The following PPP2R2B variants were observed in gnomAD, a reference collection of about 807,000 sequenced individuals.
The protein encoded by PPP2R2B is serine/threonine-protein phosphatase 2A 55 kDa regulatory subunit B beta isoform.
In PPP2R2B, 5 loss-of-function variants were observed where a neutral mutation model predicts 46.0. The observed-to-expected ratio is 0.11, with a 90% CI of 0.06 to 0.23. The LOEUF (loss-of-function observed/expected upper bound fraction) is 0.23, where lower values mean the gene tolerates loss of function less well. PPP2R2B is among the 10% of genes least tolerant of loss of function. The probability of loss-of-function intolerance (pLI) is 1.00; values close to 1 mark genes in which losing one functional copy is unlikely to be tolerated. For missense variants in PPP2R2B, 367 were observed against 575.0 expected (o/e 0.64, Z 3.70); for synonymous variants, 215 against 206.7 (o/e 1.04, Z -0.34).
chr5:146,791,168 G>T (rs1756176211), intron 2 of PPP2R2B, among the ~76,000 whole-genome samples: 1 of 152,104 alleles, frequency 6.6e-6, no homozygotes, highest in African/African-American at 2.4e-5. Flanking sequence ...GAGTAGAATG[G>T]TGCGGGTCTT....
chr5:146,713,220 G>A (rs978889195), intron 2 of PPP2R2B, among the ~76,000 whole-genome samples: 2 of 152,104 alleles, frequency 1.3e-5, no homozygotes, highest in African/African-American at 2.4e-5. Flanking sequence ...CCAAAGAGAT[G>A]AAACTGACAA....
intron 1 of PPP2R2B, among the ~76,000 whole-genome samples, chr5:146,982,889 C>A (rs1753239133): frequency 6.6e-6 from 1 of 151,766 alleles, no homozygotes; most frequent in Non-Finnish European, 1.5e-5. Flanking sequence ...TATCTTTTTC[C>A]ATCCTTTTAC....
intron 1 of PPP2R2B, among the ~76,000 whole-genome samples, chr5:146,907,538 T>C (rs1763040881): frequency 6.6e-6 from 1 of 152,224 alleles, no homozygotes; most frequent in Admixed American, 6.5e-5. Context: ...CATCACCAAG[T>C]TGGAGAAAGG....
chr5:147,008,047 T>C (rs528304291), intron 1 of PPP2R2B, among the ~76,000 whole-genome samples: 1 of 152,216 alleles, frequency 6.6e-6, no homozygotes, highest in Non-Finnish European at 1.5e-5. Flanking sequence ...GATCGATTCT[T>C]CTTATTTATT....
intron 2 of PPP2R2B, among the ~76,000 whole-genome samples, chr5:146,812,228 A>T (rs748868723): frequency 1.4e-4 from 21 of 151,748 alleles, no homozygotes; most frequent in Non-Finnish European, 2.8e-4. Context: ...ATAAAATCCA[A>T]ATATATGTGA....
intron 7 of PPP2R2B, among the ~76,000 whole-genome samples, chr5:146,619,372 C>A (rs140128783): frequency 3.6e-4 from 55 of 151,992 alleles, no homozygotes; most frequent in African/African-American, 1.3e-3. Flanking sequence ...CCCAGCTCCT[C>A]CAGAGGCTGA....
At chr5:146,791,142 T>TAA (rs1756174636) in intron 2 of PPP2R2B, among the ~76,000 whole-genome samples, 2 of 152,080 alleles carry the variant, frequency 1.3e-5, no homozygotes, top group Admixed American at 6.5e-5. Context: ...GACATATATA[T>TAA]AACACAAAAA....
At chr5:146,839,261 C>G (rs1051662341) in intron 2 of PPP2R2B, among the ~76,000 whole-genome samples, 6 of 152,182 alleles carry the variant, frequency 3.9e-5, no homozygotes, top group African/African-American at 1.4e-4. Flanking sequence ...TGGCTCCTAC[C>G]TGTAACCCCA....
chr5:146,827,680 A>G lies in PPP2R2B; in HGVS notation c.70+50322T>C, dbSNP rs572040433. Reference sequence around the variant, plus strand: ...AAAATAAAGGAAATTTCTCCCATTCATTTATATAATAAGTATTGATAAAGT... The same window carrying G: ...AAAATAAAGGAAATTTCTCCCATTCGTTTATATAATAAGTATTGATAAAGT... On this transcript the variant is annotated intron_variant, in intron 2 of 9. Transcript: ENST00000394411. 2.5e-4 allele frequency among the ~76,000 whole-genome samples: 38 copies of G among 152,324 alleles called. No homozygotes were observed. In the South Asian group the frequency reaches 3.7e-3, roughly 15 times the overall value.
At chr5:146,845,656 T>C (rs1582254536) in intron 2 of PPP2R2B, among the ~76,000 whole-genome samples, 1 of 152,164 alleles carries the variant, frequency 6.6e-6, no homozygotes, top group East Asian at 1.9e-4. Flanking sequence ...AGAGCTCCAG[T>C]GTGTGAACCA....
chr5:146,672,517 G>T (rs1020321229), intron 5 of PPP2R2B, among the ~76,000 whole-genome samples: 9 of 151,982 alleles, frequency 5.9e-5, no homozygotes, highest in Admixed American at 6.6e-5. Flanking sequence ...GGGGTGGGGG[G>T]AATGCTTGAA....
At chr5:146,684,763 A>G (rs1778384876) in intron 5 of PPP2R2B, among the ~76,000 whole-genome samples, 1 of 152,082 alleles carries the variant, frequency 6.6e-6, no homozygotes, top group African/African-American at 2.4e-5. Flanking sequence ...ATCCTTCTCC[A>G]TGATTTCTCA....
At chr5:146,700,798 A>C (rs1300812741) in intron 3 of PPP2R2B, among the ~76,000 whole-genome samples, 1 of 152,156 alleles carries the variant, frequency 6.6e-6, no homozygotes, top group Non-Finnish European at 1.5e-5. Flanking sequence ...GTCAGGCGAG[A>C]AGTGAAGTTG....
At chr5:147,047,486 T>C (rs1310277078) in intron 1 of PPP2R2B, among the ~76,000 whole-genome samples, 1 of 152,086 alleles carries the variant, frequency 6.6e-6, no homozygotes, top group Non-Finnish European at 1.5e-5. Context: ...GGCCAAGAAT[T>C]GATTTCTGAG....
intron 2 of PPP2R2B, among the ~76,000 whole-genome samples, chr5:147,079,445 C>CATATATATATATATATATATACATATAT (rs1757904138): frequency 1.5e-5 from 2 of 132,304 alleles, no homozygotes; most frequent in African/African-American, 5.6e-5. Context: ...TATATATATA[C>CATATATATATATATATATATACATATAT]ATATATATAT....
At chr5:146,840,778 G>A (rs1346063589) in intron 2 of PPP2R2B, among the ~76,000 whole-genome samples, 1 of 152,182 alleles carries the variant, frequency 6.6e-6, no homozygotes, top group Non-Finnish European at 1.5e-5. Context: ...TATAAATGAT[G>A]CTGCAGTATC....
chr5:146,828,637 G>A lies in PPP2R2B; in HGVS notation c.70+49365C>T, dbSNP rs116721515. ...AGCCAGATGGAGATAATACCAGAGA[G>A]TGACTGTATGGACAAAAAGGATGAT... On this transcript the variant is annotated intron_variant, in intron 2 of 9. Coordinates refer to ENST00000394411, the MANE Select transcript of PPP2R2B (RefSeq NM_181675.4). Among the ~76,000 whole-genome samples the A allele has an allele frequency of 5.1e-3, 770 of 152,302 alleles. 4 individuals carry two copies. The highest frequency in any genetic ancestry group is 9.6e-3 in the Admixed American group (147 of 15,292).
intron 1 of PPP2R2B, among the ~76,000 whole-genome samples, chr5:146,990,757 C>T (rs1451848902): frequency 1.3e-5 from 2 of 151,924 alleles, no homozygotes; most frequent in East Asian, 3.9e-4. Context: ...GATAAGGAAA[C>T]AATCAACCGA....
intron 2 of PPP2R2B, among the ~76,000 whole-genome samples, chr5:146,811,814 G>A (rs1016843704): frequency 1.0e-4 from 15 of 146,934 alleles, no homozygotes; most frequent in Admixed American, 2.1e-4. Context: ...TGATCTGCCC[G>A]CCTCGGCCAC....
Sources: allele counts gnomAD v4.1 joint callset (sites outside exome capture counted in the v4.1 genomes callset), GRCh38; gene constraint gnomAD v4.1.1; transcripts MANE v1.5; gene names NCBI Gene and HGNC (gene_info 2026-07-23, HGNC 2026-07-21).